Variants in CPLANE1 observed in about 807,000 individuals in gnomAD.
The protein encoded by CPLANE1 is ciliogenesis and planar polarity effector 1.
Under a neutral mutation model 362.5 loss-of-function variants are expected in CPLANE1, and 263 were observed. The observed-to-expected ratio is 0.73, with a 90% confidence interval of 0.66 to 0.80. The LOEUF (loss-of-function observed/expected upper bound fraction) is 0.80, where lower values mean the gene tolerates loss of function less well. Ranked by LOEUF, CPLANE1 falls within the 30% of genes least tolerant of loss-of-function variation. The probability of loss-of-function intolerance (pLI) is 0.00; values close to 1 mark genes in which losing one functional copy is unlikely to be tolerated. For synonymous variants in CPLANE1, 1,212 were observed against 1,302.6 expected (o/e 0.93, Z 1.50); for missense variants, 3,461 against 3,793.4 (o/e 0.91, Z 2.30).
intron 15 of CPLANE1, among the ~76,000 whole-genome samples, chr5:37,215,736 T>TTCC (rs1793874830): frequency 1.4e-5 from 2 of 147,310 alleles, no homozygotes; most frequent in Non-Finnish European, 3.0e-5. Flanking sequence ...TTCCTTCTCT[T>TTCC]TCCTTTTTTT....
chr5:37,154,459 C>CTTTTT lies in CPLANE1; in HGVS notation c.8120-471_8120-467dup, dbSNP rs35522666. Among the ~76,000 whole-genome samples, 47 of 84,562 alleles carry CTTTTT rather than the reference C, an allele frequency of 5.6e-4. 5 individuals are homozygous for CTTTTT. Among genetic ancestry groups the CTTTTT allele is most frequent in the African/African-American group, 2.6e-3 (45 of 17,632 alleles). The allele number at this position is 84,562 out of a possible 152,430, so 55.5% of individuals were successfully genotyped here. A position where few individuals can be genotyped will look rare whatever the true frequency, so the allele number is the denominator to read the frequency against. On this transcript the variant is annotated intron_variant, in intron 41 of 52. Coordinates refer to ENST00000651892, the MANE Select transcript of CPLANE1 (RefSeq NM_001384732.1). Reference sequence around the variant, plus strand: ...TTCTTCTCCCAAATTTGCAATAGTTCTTTTTTTTTTTTTTTTTTTTTTTTA... The same window carrying CTTTTT: ...TTCTTCTCCCAAATTTGCAATAGTTCTTTTTTTTTTTTTTTTTTTTTTTTTTTTTA...
At chr5:37,121,861 A>C (rs1762738805) in intron 48 of CPLANE1, 77 bp from the exon 49 acceptor site, 3 of 1,242,882 alleles carry the variant, frequency 2.4e-6, no homozygotes. Context: ...TAGTGTTTGA[A>C]GATCACCTAG....
rs751276020 is a variant in CPLANE1, at chr5:37,198,758, G to A, written c.3616C>T (p.Pro1206Ser). Residue 1206 changes from proline to serine, a missense_variant, in exon 20 of 53, where the codon CCT (proline) becomes TCT (serine). Pro to Ser is a moderately conservative substitution (Grantham distance 74). This residue lies in a region of CPLANE1 where 3,380 missense variants were observed against 3,666.1 expected (regional missense o/e 0.92). Transcript: ENST00000651892. ...TGCAATATATACCACTGTGCTACAGGAAAAGAACACTGAGCCGCCCGGAAA... is the reference window on the plus strand; with the variant it reads ...TGCAATATATACCACTGTGCTACAGAAAAAGAACACTGAGCCGCCCGGAAA... ...LLFRAAQCSFPVAQWYILQLR... is the reference protein window; with the variant it reads ...LLFRAAQCSFSVAQWYILQLR... 8.7e-6 allele frequency: 14 copies of A among 1,613,902 alleles called. No individual in the cohort carries two copies. The highest frequency in any genetic ancestry group is 1.1e-5 in the Non-Finnish European group (13 of 1,180,018).
the CPLANE1 span, among the ~76,000 whole-genome samples, chr5:37,097,014 A>C: frequency 1.3e-5 from 2 of 152,142 alleles, no homozygotes; most frequent in Non-Finnish European, 2.9e-5. Context: ...AAAAGAAAGA[A>C]ACAAAGAAAG....
chr5:37,138,866 AT>A lies in CPLANE1; in HGVS notation c.8664-19del. 2 of 1,592,008 alleles carry A rather than the reference AT, an allele frequency of 1.3e-6. No individual in the cohort carries two copies. The highest frequency in any genetic ancestry group is 1.7e-6 in the Non-Finnish European group (2 of 1,173,606). ...CTGAAACACTTCATTTGCAAATGTA[AT>A]TTAAGAAATATAAATCAGTATCTAC... On this transcript the variant is annotated intron_variant, in intron 45 of 52. Transcript: ENST00000651892.
In CPLANE1 at chr5:37,108,486, G is replaced by T; in HGVS notation, c.9401-15C>A. 6.3e-7 allele frequency: 1 copy of T among 1,598,490 alleles called. No homozygotes were observed. Among genetic ancestry groups the T allele is most frequent in the South Asian group, 1.1e-5 (1 of 88,884 alleles). On this transcript the variant is annotated splice_polypyrimidine_tract_variant and intron_variant, in intron 51 of 52. Transcript: ENST00000651892. ...AGCATTAGAGCCTTTTAAGGGATAAGAACAAAGCACACATTGGGATTGATT... is the reference window on the plus strand; with the variant it reads ...AGCATTAGAGCCTTTTAAGGGATAATAACAAAGCACACATTGGGATTGATT...
intron 33 of CPLANE1, 22 bp downstream of exon 33, chr5:37,170,019 A>G (rs942134034): frequency 6.2e-7 from 1 of 1,604,936 alleles, no homozygotes; most frequent in Non-Finnish European, 8.5e-7. Context: ...CCAGCCATTA[A>G]TGGTATTTTT....
At chr5:37,099,606 C>T in the CPLANE1 span, among the ~76,000 whole-genome samples, 14 of 152,096 alleles carry the variant, frequency 9.2e-5, no homozygotes, top group African/African-American at 3.4e-4. Flanking sequence ...TGAACATATG[C>T]ATGCATTATC....
chr5:37,105,460 T>C (rs1234550583), downstream of CPLANE1, among the ~76,000 whole-genome samples: 1 of 152,146 alleles, frequency 6.6e-6, no homozygotes, highest in Non-Finnish European at 1.5e-5. Flanking sequence ...CCAAGAAAAC[T>C]AGATGTCTAT....
intron 23 of CPLANE1, 84 bp downstream of exon 23, chr5:37,187,330 A>G: frequency 8.7e-7 from 1 of 1,155,020 alleles, no homozygotes; most frequent in Non-Finnish European, 1.2e-6. Context: ...AAGAAAGGCA[A>G]CATCATCCTT....
chr5:37,151,522 T>A (rs1184833634), intron 42 of CPLANE1, among the ~76,000 whole-genome samples: 1 of 152,240 alleles, frequency 6.6e-6, no homozygotes, highest in Non-Finnish European at 1.5e-5. Context: ...AGGCAGTAGT[T>A]GCTCAATAAA....
At chr5:37,212,495 C>T in intron 16 of CPLANE1, 1 of 427,826 alleles carries the variant, frequency 2.3e-6, no homozygotes, top group Admixed American at 3.9e-5. Context: ...ATGTGTAATC[C>T]AAAAAAAAAA....
At chr5:37,087,308 A>G in the CPLANE1 span, among the ~76,000 whole-genome samples, 2 of 152,150 alleles carry the variant, frequency 1.3e-5, no homozygotes, top group Admixed American at 1.3e-4. Flanking sequence ...AGAAAAGCCT[A>G]AAAAGGGGAA....
rs1772316237 is a variant in CPLANE1 at position 37,148,192 on chromosome 5, A to C, written c.8450T>G (p.Ile2817Ser). The C allele has an allele frequency of 1.9e-6, 3 of 1,612,484 alleles. No individual in the cohort carries two copies. Among genetic ancestry groups the C allele is most frequent in the Non-Finnish European group, 1.7e-6 (2 of 1,179,048 alleles). Reference protein sequence around the residue: ...KKTLASKTISISEEVRFLTHM... With the variant: ...KKTLASKTISSSEEVRFLTHM... ...CAGCCCCTACAAACCTTCTTCAGAA[A>C]TGCTAATGGTTTTTGAAGCTAATGT... The change falls in exon 43 of 53, where the codon ATT (isoleucine) becomes AGT (serine). Residue 2817 changes from isoleucine to serine, a missense_variant. Physicochemically the swap from Ile to Ser is moderately radical, Grantham distance 142. Coordinates refer to ENST00000651892, the MANE Select transcript of CPLANE1 (RefSeq NM_001384732.1).
Position 37,226,775 on chromosome 5 carries a change from T to A in CPLANE1, c.1820A>T (p.Tyr607Phe). The change falls in exon 12 of 53, where the codon TAC (tyrosine) becomes TTC (phenylalanine). Residue 607 changes from tyrosine to phenylalanine, a missense_variant. By Grantham distance (22) the Tyr-to-Phe change is conservative. Coordinates refer to ENST00000651892, the MANE Select transcript of CPLANE1 (RefSeq NM_001384732.1). ...AGGACATTTTATAAATTGAAGAATG[T>A]AAAAAAAATGAGTGATACAAACTAC... ...YIVVCITHFF[Y>F]ILQFIKCPFP... 6.5e-7 allele frequency: 1 copy of A among 1,540,076 alleles called. No individual in the cohort carries two copies. The highest frequency in any genetic ancestry group is 1.4e-5 in the African/African-American group (1 of 72,344).
intron 21 of CPLANE1, among the ~76,000 whole-genome samples, chr5:37,189,796 C>T (rs1333558096): frequency 1.3e-5 from 2 of 152,004 alleles, no homozygotes; most frequent in East Asian, 1.9e-4. Flanking sequence ...GTCAGGAGTT[C>T]GAGACCAGCC....
At chr5:37,229,600 T>G (rs1431025111) in intron 9 of CPLANE1, among the ~76,000 whole-genome samples, 1 of 152,140 alleles carries the variant, frequency 6.6e-6, no homozygotes, top group South Asian at 2.1e-4. Flanking sequence ...CTCAGTTTCC[T>G]TTCTATAAAG....
chr5:37,238,498 T>TTC (rs1799551804), intron 8 of CPLANE1, among the ~76,000 whole-genome samples: 1 of 140,404 alleles, frequency 7.1e-6, no homozygotes, highest in Admixed American at 7.1e-5. Context: ...TTTTTTTTTT[T>TTC]TTTTTTTTTT....
At chr5:37,122,510 G>C in intron 47 of CPLANE1, 22 bp from the exon 48 acceptor site, 1 of 1,587,358 alleles carries the variant, frequency 6.3e-7, no homozygotes, top group South Asian at 1.1e-5. Context: ...ATACCCAGTT[G>C]GTTCATTATT....
Sources: gnomAD v4.1 joint callset for allele counts (sites outside exome capture counted in the v4.1 genomes callset) on GRCh38, gnomAD v4.1.1 for gene constraint, gnomAD v4.1.1 regional missense constraint, MANE v1.5 for transcripts, NCBI Gene and HGNC (gene_info 2026-07-23, HGNC 2026-07-21) for gene names.